The following GTPBP10 variants were observed in gnomAD, a reference collection of about 807,000 sequenced individuals.
GTPBP10 encodes GTP binding protein 10.
Under a neutral mutation model 44.8 loss-of-function variants are expected in GTPBP10, and 38 were observed. That is an observed-to-expected ratio of 0.85 (90% CI 0.65 to 1.11). The LOEUF (loss-of-function observed/expected upper bound fraction) is 1.11. Among genes scored for constraint, GTPBP10 ranks in the 50% most tolerant of loss-of-function variants. The pLI is 0.00. For synonymous variants in GTPBP10, 152 were observed against 150.6 expected (o/e 1.01, Z -0.07); for missense variants, 462 against 453.7 (o/e 1.02, Z -0.17).
intron 1 of GTPBP10, among the ~76,000 whole-genome samples, 196 bp downstream of exon 1, chr7:90,346,970 C>G (rs1795688779): frequency 6.6e-6 from 1 of 152,028 alleles, no homozygotes; most frequent in Admixed American, 6.5e-5. Context: ...GTGGTTTGGA[C>G]GGTTGTTTGG....
At chr7:90,370,277 A>C (rs1427924402) in intron 4 of GTPBP10, among the ~76,000 whole-genome samples, 1 of 152,138 alleles carries the variant, frequency 6.6e-6, no homozygotes, top group Non-Finnish European at 1.5e-5. Flanking sequence ...TATCATTCAG[A>C]ATTGCAAAGA....
In GTPBP10 at chr7:90,389,945, AC is replaced by A. The variant is rs1265101905; in HGVS notation, c.*4793del. On this transcript the variant is annotated 3_prime_UTR_variant, in exon 10 of 10. Transcript: ENST00000222511. ...TAGGACTACAAGTGTGTGCCACCAT[AC>A]CTGGCTAATTTTTAAAAACTATTTT... 2 of 152,132 alleles carry A rather than the reference AC, an allele frequency of 1.3e-5. No homozygotes were observed. The highest frequency in any genetic ancestry group is 3.9e-4 in the East Asian group (2 of 5,162). 9.4% of individuals were successfully genotyped at this position (152,132 alleles called of 1,614,324 possible).
At chr7:90,373,190 A>T (rs536034301) in intron 5 of GTPBP10, among the ~76,000 whole-genome samples, 2 of 152,310 alleles carry the variant, frequency 1.3e-5, no homozygotes, top group East Asian at 3.9e-4. Context: ...GTAAGAGAGC[A>T]TGTCACATAG....
chr7:90,370,198 A>G (rs1257040881), intron 4 of GTPBP10, among the ~76,000 whole-genome samples: 1 of 152,186 alleles, frequency 6.6e-6, no homozygotes, highest in Admixed American at 6.5e-5. Flanking sequence ...CAATCCCACT[A>G]CAGGATATCT....
intron 9 of GTPBP10, among the ~76,000 whole-genome samples, chr7:90,384,445 C>T (rs1214030614): frequency 6.6e-6 from 1 of 152,108 alleles, no homozygotes; most frequent in African/African-American, 2.4e-5. Flanking sequence ...TTGTATGGAT[C>T]CTAGCATCAT....
At chr7:90,379,793 A>T (rs10231207) in intron 8 of GTPBP10, among the ~76,000 whole-genome samples, 2,071 of 152,286 alleles carry the variant, frequency 0.014, 57 homozygotes, top group African/African-American at 0.046. Flanking sequence ...CCCACCATCA[A>T]TGTATGTTCC....
chr7:90,385,761 A>G lies in GTPBP10; in HGVS notation c.*607A>G, dbSNP rs759351701. ...TTGTAATTAAGTATGTCAACAGTAA[A>G]AAATAACCAGTGGCCAGGCATGGTG... On this transcript the variant is annotated 3_prime_UTR_variant, in exon 10 of 10. Transcript: ENST00000222511. The G allele has an allele frequency of 1.3e-5, 2 of 152,158 alleles. No homozygotes were observed. Among genetic ancestry groups the G allele is most frequent in the Non-Finnish European group, 2.9e-5 (2 of 68,034 alleles). 9.4% of individuals were successfully genotyped at this position (152,158 alleles called of 1,614,324 possible). A position where few individuals can be genotyped will look rare whatever the true frequency, so the allele number is the denominator to read the frequency against.
Position 90,372,135 on chromosome 7 carries a change from AT to A in GTPBP10, c.465-16del. The A allele has an allele frequency of 6.6e-7, 1 of 1,508,740 alleles. No individual in the cohort carries two copies. The allele number at this position is 1,508,740 out of a possible 1,614,324, so 93.5% of individuals were successfully genotyped here. ...ATAATAATATTGACATTTGTGTATA[AT>A]TTTATATTCTTGTTTCAGATTCCCA... On this transcript the variant is annotated intron_variant, in intron 4 of 9. Transcript: ENST00000222511.
intron 5 of GTPBP10, among the ~76,000 whole-genome samples, 154 bp from the exon 6 acceptor site, chr7:90,374,148 A>G (rs1226402963): frequency 2.6e-5 from 4 of 152,236 alleles, no homozygotes; most frequent in African/African-American, 7.2e-5. Flanking sequence ...CTCCAAGTAC[A>G]TATTAAATAG....
At chr7:90,380,778 G>A (rs956611924) in intron 8 of GTPBP10, among the ~76,000 whole-genome samples, 4 of 151,916 alleles carry the variant, frequency 2.6e-5, no homozygotes, top group African/African-American at 9.7e-5. Flanking sequence ...TGTTCCATTT[G>A]ACCAACACCC....
At chr7:90,377,094 C>T (rs184972176) in intron 6 of GTPBP10, among the ~76,000 whole-genome samples, 88 of 152,164 alleles carry the variant, frequency 5.8e-4, no homozygotes, top group African/African-American at 2.0e-3. Context: ...CATGGCGGTA[C>T]GCACCTGGAG....
chr7:90,351,926 G>A (rs1180953337), intron 1 of GTPBP10, among the ~76,000 whole-genome samples: 2 of 152,150 alleles, frequency 1.3e-5, no homozygotes, highest in Non-Finnish European at 2.9e-5. Flanking sequence ...TCGATCTCCT[G>A]AACTCGTGAT....
At chr7:90,368,871 C>T (rs956327942) in intron 4 of GTPBP10, among the ~76,000 whole-genome samples, 2 of 152,152 alleles carry the variant, frequency 1.3e-5, no homozygotes, top group Non-Finnish European at 2.9e-5. Context: ...GGAGAATAGG[C>T]ACTCTGGTTT....
rs762672568 is a variant in GTPBP10, at chr7:90,355,077, C to G, written c.320-9C>G. On this transcript the variant is annotated splice_polypyrimidine_tract_variant and intron_variant, in intron 3 of 9. Coordinates refer to ENST00000222511, the MANE Select transcript of GTPBP10 (RefSeq NM_033107.4). ...CTTTGCTGTAAGTATTTCTCTCCCT[C>G]TTTTTAAGGAGAACTCAATAAAGAA... 1.3e-6 allele frequency: 2 copies of G among 1,528,644 alleles called. No individual in the cohort carries two copies. Among genetic ancestry groups the G allele is most frequent in the Admixed American group, 3.7e-5 (2 of 53,848 alleles). 94.7% of individuals were successfully genotyped at this position (1,528,644 alleles called of 1,614,324 possible).
rs1796554260 is a variant in GTPBP10, at chr7:90,388,016, G to T, written c.*2862G>T. On this transcript the variant is annotated 3_prime_UTR_variant, in exon 10 of 10. Coordinates refer to ENST00000222511, the MANE Select transcript of GTPBP10 (RefSeq NM_033107.4). ...CAAAGGGTAGTAGATGTGTGTTCAGGATTATTTGCTCTGTCAGTAGTGCCC... is the reference window on the plus strand; with the variant it reads ...CAAAGGGTAGTAGATGTGTGTTCAGTATTATTTGCTCTGTCAGTAGTGCCC... 1 of 152,110 alleles carries T rather than the reference G, an allele frequency of 6.6e-6. No homozygotes were observed. The highest frequency in any genetic ancestry group is 1.5e-5 in the Non-Finnish European group (1 of 68,036). 9.4% of individuals were successfully genotyped at this position (152,110 alleles called of 1,614,324 possible). A position where few individuals can be genotyped will look rare whatever the true frequency, so the allele number is the denominator to read the frequency against.
intron 8 of GTPBP10, among the ~76,000 whole-genome samples, chr7:90,379,733 G>T (rs1335829085): frequency 1.3e-5 from 2 of 152,146 alleles, no homozygotes; most frequent in Non-Finnish European, 2.9e-5. Context: ...ACATTTTGAG[G>T]AACTGCCAAA....
intron 4 of GTPBP10, among the ~76,000 whole-genome samples, chr7:90,355,678 G>A (rs569704136): frequency 6.6e-6 from 1 of 150,940 alleles, no homozygotes; most frequent in South Asian, 2.1e-4. Flanking sequence ...CTAAAGACCA[G>A]TACAGACAAT....
intron 8 of GTPBP10, 46 bp from the exon 9 acceptor site, chr7:90,382,910 C>T: frequency 7.3e-7 from 1 of 1,368,744 alleles, no homozygotes; most frequent in Non-Finnish European, 9.8e-7. Context: ...GTAGTTTATA[C>T]AGAAACCAGT....
At position 90,371,131 on chromosome 7, in the gene GTPBP10, A is replaced by T. The variant is rs1244472350; in HGVS notation, c.465-1024A>T. ...TCATTGCATTGTTTAAAGTTATTTTAAAAAAACAAATAATACACACTTGTT... is the reference window on the plus strand; with the variant it reads ...TCATTGCATTGTTTAAAGTTATTTTTAAAAAACAAATAATACACACTTGTT... On this transcript the variant is annotated intron_variant, in intron 4 of 9. Coordinates refer to ENST00000222511, the MANE Select transcript of GTPBP10 (RefSeq NM_033107.4). The T allele has an allele frequency of 1.7e-5, 14 of 843,592 alleles. No homozygotes were observed. In the Admixed American group the frequency reaches 5.6e-4, roughly 34 times the overall value. 52.3% of individuals were successfully genotyped at this position (843,592 alleles called of 1,614,324 possible).
Sources: gnomAD v4.1 joint callset for allele counts (sites outside exome capture counted in the v4.1 genomes callset) on GRCh38, gnomAD v4.1.1 for gene constraint, MANE v1.5 for transcripts, NCBI Gene and HGNC (gene_info 2026-07-23, HGNC 2026-07-21) for gene names.